The following RASGRP3 variants were observed in gnomAD, a reference collection of about 807,000 sequenced individuals.
RASGRP3 encodes RAS guanyl releasing protein 3.
Under a neutral mutation model 82.7 loss-of-function variants are expected in RASGRP3, and 54 were observed. The ratio of observed to expected loss-of-function variants is 0.65; its 90% CI spans 0.52 to 0.82. The LOEUF is 0.82. RASGRP3 is among the 40% of genes least tolerant of loss of function. The pLI, the probability that RASGRP3 is intolerant of heterozygous loss-of-function variation, is 0.00. For synonymous variants in RASGRP3, 309 were observed against 300.5 expected (o/e 1.03, Z -0.29); for missense variants, 861 against 828.9 (o/e 1.04, Z -0.48).
chr2:33,468,811 A>G (rs1266433723), intron 2 of RASGRP3, among the ~76,000 whole-genome samples: 1 of 152,194 alleles, frequency 6.6e-6, no homozygotes, highest in Non-Finnish European at 1.5e-5. Flanking sequence ...AGTATAAGTA[A>G]TGCTGCGTGA....
At chr2:33,520,715 A>C (rs1397779508) in intron 6 of RASGRP3, 31 bp downstream of exon 6, 16 of 1,611,852 alleles carry the variant, frequency 9.9e-6, no homozygotes, top group African/African-American at 1.3e-5. Context: ...TTTCACACCC[A>C]ATAAGTCCAC....
intron 14 of RASGRP3, among the ~76,000 whole-genome samples, chr2:33,553,801 C>T (rs886115655): frequency 3.9e-5 from 6 of 152,088 alleles, no homozygotes; most frequent in African/African-American, 1.2e-4. Flanking sequence ...TGCAGTGGCG[C>T]GATCTTGGCT....
At chr2:33,536,965 C>T (rs1250152866) in intron 11 of RASGRP3, among the ~76,000 whole-genome samples, 1 of 152,082 alleles carries the variant, frequency 6.6e-6, no homozygotes, top group Non-Finnish European at 1.5e-5. Flanking sequence ...TAAGTCTTAA[C>T]CAGCTCAGTG....
At position 33,464,110 on chromosome 2, in the gene RASGRP3, A is replaced by AATTATT. The variant is rs70938402; in HGVS notation, c.-261+16190_-261+16195dup. ...AATATTCAAACTTAATAATAATAAT[A>AATTATT]ATTATTATTATTATTATTATTATTA... On this transcript the variant is annotated intron_variant, in intron 2 of 18. Transcript: ENST00000402538. Among the ~76,000 whole-genome samples the AATTATT allele has an allele frequency of 1.9e-3, 272 of 144,258 alleles. 2 individuals are homozygous for AATTATT. In the East Asian group the frequency reaches 0.019, roughly 10 times the overall value. The allele number at this position is 144,258 out of a possible 152,430, so 94.6% of individuals were successfully genotyped here. A position where few individuals can be genotyped will look rare whatever the true frequency, so the allele number is the denominator to read the frequency against.
intron 4 of RASGRP3, among the ~76,000 whole-genome samples, chr2:33,519,256 A>G (rs1671769521): frequency 6.6e-6 from 1 of 152,194 alleles, no homozygotes; most frequent in African/African-American, 2.4e-5. Context: ...TCATTGACTG[A>G]AACGTTGTTA....
At chr2:33,558,158 C>T in intron 15 of RASGRP3, 53 bp from the exon 16 acceptor site, 1 of 1,581,960 alleles carries the variant, frequency 6.3e-7, no homozygotes, top group African/African-American at 1.3e-5. Context: ...ACCCTGGAAA[C>T]TGAATCAACA....
At chr2:33,460,421 G>A (rs1666295238) in intron 2 of RASGRP3, among the ~76,000 whole-genome samples, 1 of 152,122 alleles carries the variant, frequency 6.6e-6, no homozygotes, top group Admixed American at 6.5e-5. Flanking sequence ...AGTGAAATGA[G>A]AATGGATAGG....
intron 2 of RASGRP3, among the ~76,000 whole-genome samples, chr2:33,452,204 C>T (rs370210899): frequency 4.6e-5 from 7 of 152,182 alleles, no homozygotes; most frequent in African/African-American, 1.7e-4. Context: ...TTTGAATTCT[C>T]TGACAGGCAG....
At chr2:33,492,045 C>T (rs891122087) in intron 1 of RASGRP3, among the ~76,000 whole-genome samples, 4 of 152,182 alleles carry the variant, frequency 2.6e-5, no homozygotes, top group Non-Finnish European at 5.9e-5. Flanking sequence ...AATGTTCAGC[C>T]TGAGGTTGCT....
At chr2:33,514,871 T>C (rs1357937719) in intron 2 of RASGRP3, 139 bp from the exon 3 acceptor site, 9 of 448,310 alleles carry the variant, frequency 2.0e-5, no homozygotes, top group Admixed American at 3.5e-5. Flanking sequence ...AAGGTTGATG[T>C]AATCTCAGTC....
chr2:33,477,286 T>G (rs1475210730), intron 1 of RASGRP3, among the ~76,000 whole-genome samples: 1 of 152,214 alleles, frequency 6.6e-6, no homozygotes, highest in Non-Finnish European at 1.5e-5. Context: ...AGAAATCATA[T>G]TTAGATTTCT....
At chr2:33,438,560 G>A (rs1462737730) in intron 1 of RASGRP3, among the ~76,000 whole-genome samples, 5 of 50,198 alleles carry the variant, frequency 1.0e-4, no homozygotes, top group African/African-American at 3.1e-4. Context: ...AGACTCCATC[G>A]CCAAAAAAAA....
intron 2 of RASGRP3, among the ~76,000 whole-genome samples, chr2:33,455,414 T>A (rs1665987518): frequency 6.6e-6 from 1 of 152,220 alleles, no homozygotes; most frequent in African/African-American, 2.4e-5. Flanking sequence ...GCAATTTTTA[T>A]TTTATCATCC....
In RASGRP3 at chr2:33,515,084, G is replaced by T. The variant is rs1269621555; in HGVS notation, c.-53G>T. 8 of 1,538,306 alleles carry T rather than the reference G, an allele frequency of 5.2e-6. No individual in the cohort carries two copies. In the Middle Eastern group the frequency reaches 5.1e-4, roughly 97 times the overall value. On this transcript the variant is annotated 5_prime_UTR_variant, in exon 3 of 18. It removes an upstream start codon present in the reference 5' UTR. Transcript: ENST00000403687. The stretch of plus-strand genomic sequence containing the variant: ...CGCTGACTTGCATGATTATGGAGAT[G>T]GTCTATCTGATGCTGAAAATGTCTC...
chr2:33,474,429 C>T (rs1427160985), upstream of RASGRP3, among the ~76,000 whole-genome samples: 1 of 152,168 alleles, frequency 6.6e-6, no homozygotes, highest in Non-Finnish European at 1.5e-5. Context: ...TCACTGCAAC[C>T]TCTGCCTCCC....
intron 4 of RASGRP3, among the ~76,000 whole-genome samples, chr2:33,518,282 C>T (rs568438963): frequency 6.6e-6 from 1 of 152,196 alleles, no homozygotes; most frequent in East Asian, 1.9e-4. Context: ...ATTCTATAGG[C>T]AACTGTAACA....
intron 1 of RASGRP3, among the ~76,000 whole-genome samples, chr2:33,499,470 A>G (rs897972257): frequency 6.6e-6 from 1 of 151,998 alleles, no homozygotes; most frequent in African/African-American, 2.4e-5. Flanking sequence ...AGGTGGGAGA[A>G]TTGCCTGAAC....
intron 1 of RASGRP3, among the ~76,000 whole-genome samples, chr2:33,505,208 T>G (rs868551274): frequency 5.5e-4 from 83 of 151,278 alleles, no homozygotes; most frequent in African/African-American, 1.9e-3. Flanking sequence ...CCACTCAGAA[T>G]TAAGTGGAAC....
At chr2:33,484,365 G>A (rs1307729249) in intron 1 of RASGRP3, among the ~76,000 whole-genome samples, 2 of 152,240 alleles carry the variant, frequency 1.3e-5, no homozygotes, top group South Asian at 2.1e-4. Context: ...TAAGAATTGG[G>A]TATAATCTCC....
Sources: gnomAD v4.1 joint callset for allele counts (sites outside exome capture counted in the v4.1 genomes callset) on GRCh38, gnomAD v4.1.1 for gene constraint, MANE v1.5 for transcripts, NCBI Gene and HGNC (gene_info 2026-07-23, HGNC 2026-07-21) for gene names.